IRAG2: variants seen among roughly 807,000 people sequenced by gnomAD.
The protein encoded by IRAG2 is inositol 1,4,5-triphosphate receptor associated 2.
IRAG2 carries 45 observed loss-of-function variants against 69.9 expected under a neutral mutation model. The observed-to-expected ratio is 0.64, with a 90% confidence interval of 0.51 to 0.83. IRAG2 has a LOEUF of 0.83. IRAG2 is among the 40% of genes least tolerant of loss of function. The pLI is 0.00. For synonymous variants in IRAG2, 193 were observed against 202.4 expected, an observed-to-expected ratio of 0.95 and a Z score of 0.40; for missense variants, 520 against 587.0, an observed-to-expected ratio of 0.89 and a Z score of 1.18.
chr12:25,100,864 C>A, intron 15 of IRAG2: 1 of 173,388 alleles, frequency 5.8e-6, no homozygotes, highest in Non-Finnish European at 1.2e-5. Context: ...ACCATTTCTT[C>A]TGTTCACATA....
rs552576937 is a variant in IRAG2 at position 25,069,392 on chromosome 12, C to T, written c.-16C>T. On this transcript the variant is annotated 5_prime_UTR_variant, in exon 6 of 22. Coordinates refer to ENST00000556887, the MANE Select transcript of IRAG2 (RefSeq NM_001366544.2). ...GTGGCCCCAGCCCAGGAACGAATCT[C>T]TCAGGCTGCATCAGGATGAATGATG... The T allele has an allele frequency of 1.2e-6, 2 of 1,613,890 alleles. No homozygotes were observed. Among genetic ancestry groups the T allele is most frequent in the East Asian group, 4.5e-5 (2 of 44,880 alleles).
At chr12:25,103,521 G>GATAA in intron 17 of IRAG2, 1 of 243,132 alleles carries the variant, frequency 4.1e-6, no homozygotes, top group Non-Finnish European at 8.0e-6. Context: ...TCTCAGAGAA[G>GATAA]ATAAATACAT....
intron 10 of IRAG2, among the ~76,000 whole-genome samples, chr12:25,031,709 C>T (rs1219274757): frequency 1.3e-5 from 2 of 152,016 alleles, no homozygotes; most frequent in African/African-American, 2.4e-5. Context: ...GTTGCCCAGG[C>T]GGGAGTGCAA....
chr12:25,042,393 T>G (rs1026772522), intron 16 of IRAG2, among the ~76,000 whole-genome samples: 1 of 152,212 alleles, frequency 6.6e-6, no homozygotes, highest in African/African-American at 2.4e-5. Flanking sequence ...CCTCTTTACA[T>G]GATGATAAAA....
At chr12:25,011,803 A>G (rs1410254675) in intron 3 of IRAG2, among the ~76,000 whole-genome samples, 1 of 152,190 alleles carries the variant, frequency 6.6e-6, no homozygotes, top group Non-Finnish European at 1.5e-5. Context: ...TGGGCTGGAC[A>G]TGCTTTGGGA....
intron 6 of IRAG2, among the ~76,000 whole-genome samples, chr12:25,076,861 CT>C (rs1363775443): frequency 6.6e-6 from 1 of 151,392 alleles, no homozygotes. Flanking sequence ...AGCTTCCTTT[CT>C]TTTGTTTTCT....
At position 25,062,846 on chromosome 12, in the gene IRAG2, C is replaced by T; in HGVS notation, c.-358C>T. 1 of 398,876 alleles carries T rather than the reference C, an allele frequency of 2.5e-6. No individual in the cohort carries two copies. The highest frequency in any genetic ancestry group is 6.2e-4 in the Middle Eastern group (1 of 1,610). 24.7% of individuals were successfully genotyped at this position (398,876 alleles called of 1,614,324 possible). On this transcript the variant is annotated 5_prime_UTR_variant, in exon 3 of 22. Coordinates refer to ENST00000556887, the MANE Select transcript of IRAG2 (RefSeq NM_001366544.2). Reference sequence around the variant, plus strand: ...GCTTTTTAGATGAGGAATTTCCTCACTATGATTCCCTGTCCTGCGCAGATG... The same window carrying T: ...GCTTTTTAGATGAGGAATTTCCTCATTATGATTCCCTGTCCTGCGCAGATG...
rs553197109 is a variant in IRAG2, at chr12:25,060,734, C to G, written c.-446-858C>G. Among the ~76,000 whole-genome samples the G allele has an allele frequency of 7.1e-5, 10 of 141,274 alleles. No individual in the cohort carries two copies. In the East Asian group the frequency reaches 1.9e-3, roughly 27 times the overall value. 92.7% of individuals were successfully genotyped at this position (141,274 alleles called of 152,430 possible). ...GGAGTGCAGTGGCATGATCTTGGCT[C>G]ACTGCAACCTTCACCTCCCAGGTTC... On this transcript the variant is annotated intron_variant, in intron 1 of 21. Transcript: ENST00000556887.
Position 25,009,283 on chromosome 12 carries a change from G to A in IRAG2, c.689-2061G>A, listed in dbSNP as rs138192127. Among the ~76,000 whole-genome samples the A allele has an allele frequency of 6.5e-3, 988 of 152,326 alleles. 11 individuals carry two copies. Among genetic ancestry groups the A allele is most frequent in the Non-Finnish European group, 0.01 (695 of 68,020 alleles). On this transcript the variant is annotated intron_variant, in intron 2 of 38. Coordinates refer to the IRAG2 transcript ENST00000636465. ...ATCATGCCAATGCATTCTAGCCTGG[G>A]CAACAGAGTGAGACTCTGTCTCAAA...
chr12:25,015,118 A>AAAAAAAAAAAAG (rs1475201729), intron 3 of IRAG2: 1 of 450,210 alleles, frequency 2.2e-6, no homozygotes, highest in Non-Finnish European at 3.1e-6. Context: ...AAAAAGACAA[A>AAAAAAAAAAAAG]ACTTGGTCAG....
At chr12:25,016,534 G>A (rs1310283742) in intron 5 of IRAG2, among the ~76,000 whole-genome samples, 1 of 151,992 alleles carries the variant, frequency 6.6e-6, no homozygotes, top group Admixed American at 6.6e-5. Context: ...AGGCTGAAGC[G>A]GGCAGATCAC....
At chr12:25,057,252 ATTT>A (rs368710047) in intron 1 of IRAG2, among the ~76,000 whole-genome samples, 1 of 89,048 alleles carries the variant, frequency 1.1e-5, no homozygotes, top group Non-Finnish European at 2.0e-5. Context: ...AGGTAGACAG[ATTT>A]TTTTTTTTTT....
intron 16 of IRAG2, among the ~76,000 whole-genome samples, chr12:25,101,566 A>C (rs765437623): frequency 2.9e-4 from 44 of 152,350 alleles, no homozygotes; most frequent in Admixed American, 7.2e-4. Context: ...TACTGAGATG[A>C]CAGAATATAT....
At chr12:25,020,006 G>A (rs548616334) in intron 6 of IRAG2, among the ~76,000 whole-genome samples, 158 of 152,236 alleles carry the variant, frequency 1.0e-3, no homozygotes, top group Admixed American at 3.3e-3. Flanking sequence ...AGAATTCTCC[G>A]GATTCAGTCA....
chr12:25,100,957 G>GTCTTAGTCA (rs1322416754), intron 15 of IRAG2: 7 of 383,356 alleles, frequency 1.8e-5, no homozygotes, highest in African/African-American at 1.5e-4. Context: ...GCTTTTCCAG[G>GTCTTAGTCA]TCTTAGTCAT....
At chr12:25,067,916 C>T (rs1372196551) in intron 5 of IRAG2, among the ~76,000 whole-genome samples, 1 of 152,222 alleles carries the variant, frequency 6.6e-6, no homozygotes, top group Non-Finnish European at 1.5e-5. Context: ...TCTCGGCTCA[C>T]TGCAACCTCT....
At chr12:25,106,208 A>AAAG (rs1371585102) in intron 20 of IRAG2, among the ~76,000 whole-genome samples, 2 of 151,850 alleles carry the variant, frequency 1.3e-5, no homozygotes, top group Non-Finnish European at 2.9e-5. Flanking sequence ...AATAATGAGA[A>AAAG]AAGATTTTTA....
chr12:25,018,090 G>A (rs1205847380), intron 6 of IRAG2, among the ~76,000 whole-genome samples: 2 of 151,914 alleles, frequency 1.3e-5, no homozygotes, highest in Admixed American at 1.3e-4. Flanking sequence ...CCATTCTTCA[G>A]ATGATGGACA....
chr12:25,054,267 T>A (rs760950369), intron 1 of IRAG2, among the ~76,000 whole-genome samples: 13 of 152,180 alleles, frequency 8.5e-5, no homozygotes, highest in Non-Finnish European at 1.8e-4. Flanking sequence ...TGGAGAAGGT[T>A]CCCTTGTGAT....
Sources: gnomAD v4.1 joint callset for allele counts (sites outside exome capture counted in the v4.1 genomes callset) on GRCh38, gnomAD v4.1.1 for gene constraint, MANE v1.5 for transcripts, NCBI Gene and HGNC (gene_info 2026-07-23, HGNC 2026-07-21) for gene names.